The following ZNF385B variants were observed in gnomAD, a reference collection of about 807,000 sequenced individuals.
ZNF385B encodes zinc finger protein 533.
In ZNF385B, 23 loss-of-function variants were observed where a neutral mutation model predicts 39.2. That is an observed-to-expected ratio of 0.59 (90% CI 0.42 to 0.83). The LOEUF (loss-of-function observed/expected upper bound fraction) is 0.83. ZNF385B is among the 40% of genes least tolerant of loss of function. The probability of loss-of-function intolerance (pLI) is 0.00; values close to 1 mark genes in which losing one functional copy is unlikely to be tolerated. For synonymous variants in ZNF385B, 205 were observed against 222.6 expected (o/e 0.92, Z 0.70); for missense variants, 552 against 598.9 (o/e 0.92, Z 0.82).
intron 1 of ZNF385B, among the ~76,000 whole-genome samples, chr2:179,806,110 C>A (rs1431402641): frequency 6.6e-6 from 1 of 151,608 alleles, no homozygotes; most frequent in Admixed American, 6.6e-5. Flanking sequence ...AACAAACAGA[C>A]AAAAAAATGC....
intron 3 of ZNF385B, among the ~76,000 whole-genome samples, chr2:179,744,326 T>TG (rs2106456629): frequency 9.2e-6 from 1 of 108,888 alleles, no homozygotes; most frequent in African/African-American, 3.2e-5. Flanking sequence ...TTTTTTTTTT[T>TG]TAAATCATAG....
chr2:179,468,679 G>A (rs2052392013), intron 6 of ZNF385B, among the ~76,000 whole-genome samples: 1 of 152,180 alleles, frequency 6.6e-6, no homozygotes, highest in Non-Finnish European at 1.5e-5. Flanking sequence ...TCAGAAAACA[G>A]CAAAGGGTTT....
intron 3 of ZNF385B, among the ~76,000 whole-genome samples, chr2:179,686,021 C>T (rs1236693407): frequency 6.6e-6 from 1 of 152,172 alleles, no homozygotes; most frequent in East Asian, 1.9e-4. Context: ...CCCTTCTTCC[C>T]TTTCAGCACC....
chr2:179,539,247 A>G (rs1326295986), intron 4 of ZNF385B, among the ~76,000 whole-genome samples: 1 of 152,124 alleles, frequency 6.6e-6, no homozygotes, highest in Non-Finnish European at 1.5e-5. Context: ...CCCATGGCAA[A>G]GAGGAGGGAA....
At chr2:179,472,093 C>T (rs908168496) in intron 6 of ZNF385B, among the ~76,000 whole-genome samples, 2 of 152,122 alleles carry the variant, frequency 1.3e-5, no homozygotes, top group Non-Finnish European at 2.9e-5. Context: ...ATTAACTGGT[C>T]TAATGGAATA....
chr2:179,596,088 G>A (rs1324413059), intron 3 of ZNF385B, among the ~76,000 whole-genome samples: 1 of 152,106 alleles, frequency 6.6e-6, no homozygotes, highest in Non-Finnish European at 1.5e-5. Flanking sequence ...GGTTTCTATT[G>A]CTGCATAACA....
At chr2:179,731,710 C>T (rs1177859343) in intron 3 of ZNF385B, among the ~76,000 whole-genome samples, 1 of 152,098 alleles carries the variant, frequency 6.6e-6, no homozygotes, top group East Asian at 1.9e-4. Context: ...TCATTTGAGC[C>T]CAGGAGTTCA....
At chr2:179,590,504 T>G (rs1687465852) in intron 3 of ZNF385B, among the ~76,000 whole-genome samples, 1 of 152,212 alleles carries the variant, frequency 6.6e-6, no homozygotes, top group Admixed American at 6.5e-5. Context: ...CCATTTTAGA[T>G]TCTTTTTCTG....
chr2:179,845,902 A>G (rs1455289299), intron 1 of ZNF385B, among the ~76,000 whole-genome samples: 2 of 152,362 alleles, frequency 1.3e-5, no homozygotes, highest in Admixed American at 6.5e-5. Context: ...CACTATTAAA[A>G]GTTGTCATGT....
chr2:179,859,780 T>C (rs1288673976), intron 1 of ZNF385B, among the ~76,000 whole-genome samples: 1 of 152,196 alleles, frequency 6.6e-6, no homozygotes, highest in East Asian at 1.9e-4. Flanking sequence ...GAACTTGCAA[T>C]GCTGTATTTT....
intron 3 of ZNF385B, among the ~76,000 whole-genome samples, chr2:179,606,372 C>G (rs892600243): frequency 1.3e-4 from 20 of 152,180 alleles, no homozygotes; most frequent in African/African-American, 4.8e-4. Flanking sequence ...CTGTGTTTCA[C>G]AAGTACAAGG....
At chr2:179,720,410 G>A in intron 3 of ZNF385B, among the ~76,000 whole-genome samples, 1 of 133,974 alleles carries the variant, frequency 7.5e-6, no homozygotes, top group Non-Finnish European at 1.6e-5. Context: ...GAGGGGAGGG[G>A]AGGAGGGGAG....
chr2:179,785,928 G>C (rs1007775443), intron 1 of ZNF385B, among the ~76,000 whole-genome samples: 5 of 152,172 alleles, frequency 3.3e-5, no homozygotes, highest in Non-Finnish European at 7.3e-5. Context: ...TTATCAAACA[G>C]CATTGCATGC....
At chr2:179,818,898 T>C (rs544986311) in intron 1 of ZNF385B, among the ~76,000 whole-genome samples, 47 of 152,162 alleles carry the variant, frequency 3.1e-4, no homozygotes, top group Admixed American at 8.5e-4. Context: ...TTCCCCAGAG[T>C]GCCAGTTCCA....
At chr2:179,857,463 A>C (rs1684693654) in intron 1 of ZNF385B, among the ~76,000 whole-genome samples, 1 of 152,150 alleles carries the variant, frequency 6.6e-6, no homozygotes. Context: ...AAGCATGTGC[A>C]ATTGCACTGA....
At chr2:179,597,023 A>T (rs570233101) in intron 3 of ZNF385B, among the ~76,000 whole-genome samples, 1 of 152,312 alleles carries the variant, frequency 6.6e-6, no homozygotes, top group South Asian at 2.1e-4. Context: ...ACAAGGATCT[A>T]TCTCCATTCT....
chr2:179,761,664 G>A (rs558121675), intron 3 of ZNF385B, among the ~76,000 whole-genome samples: 1 of 150,320 alleles, frequency 6.7e-6, no homozygotes, highest in Non-Finnish European at 1.5e-5. Context: ...CTGCAGCCTC[G>A]ACCTCTTGAG....
At chr2:179,502,144 C>A (rs904466286) in intron 5 of ZNF385B, among the ~76,000 whole-genome samples, 9 of 152,280 alleles carry the variant, frequency 5.9e-5, no homozygotes, top group African/African-American at 1.9e-4. Context: ...TCCTGTACTT[C>A]CACTGTATCT....
chr2:179,455,898 A>T (rs928296817), intron 6 of ZNF385B, among the ~76,000 whole-genome samples: 3 of 126,752 alleles, frequency 2.4e-5, no homozygotes, highest in South Asian at 2.4e-4. Context: ...AAAAAAAAAA[A>T]AAATTATCCA....
Sources: gnomAD v4.1 joint callset for allele counts (sites outside exome capture counted in the v4.1 genomes callset) on GRCh38, gnomAD v4.1.1 for gene constraint, MANE v1.5 for transcripts, NCBI Gene and HGNC (gene_info 2026-07-23, HGNC 2026-07-21) for gene names.